The following OOEP variants were observed in gnomAD, a reference collection of about 807,000 sequenced individuals.
OOEP encodes the protein oocyte expressed protein.
In OOEP, 16 loss-of-function variants were observed where a neutral mutation model predicts 13.7. The ratio of observed to expected loss-of-function variants is 1.16; its 90% CI spans 0.79 to 1.77. OOEP has a LOEUF of 1.77. OOEP is among the 40% of genes most tolerant of loss of function. The pLI is 0.00. For synonymous variants in OOEP, 89 were observed against 77.1 expected (o/e 1.15, Z -0.81); for missense variants, 195 against 193.1 (o/e 1.01, Z -0.06).
intron 2 of OOEP, among the ~76,000 whole-genome samples, chr6:73,386,680 C>T (rs539326992): frequency 6.6e-6 from 1 of 151,848 alleles, no homozygotes. Context: ...TGAAAAAGAA[C>T]TGCAGCCGGG....
In OOEP at chr6:73,368,695, G is replaced by C; in HGVS notation, c.*89C>G. On this transcript the variant is annotated 3_prime_UTR_variant, in exon 3 of 3. Coordinates refer to ENST00000370359, the MANE Select transcript of OOEP (RefSeq NM_001080507.3). ...ATCAAGACACAGGAAAAAGGAATAC[G>C]GGGATTTAAGAATGCTATACTTGCT... 1.2e-6 allele frequency: 1 copy of C among 828,834 alleles called. No individual in the cohort carries two copies. The highest frequency in any genetic ancestry group is 2.1e-6 in the Non-Finnish European group (1 of 486,536). 51.3% of individuals were successfully genotyped at this position (828,834 alleles called of 1,614,324 possible). A position where few individuals can be genotyped will look rare whatever the true frequency, so the allele number is the denominator to read the frequency against.
At chr6:73,390,183 GA>G (rs1171525952) in intron 2 of OOEP, among the ~76,000 whole-genome samples, 4 of 151,694 alleles carry the variant, frequency 2.6e-5, no homozygotes, top group Admixed American at 1.3e-4. Flanking sequence ...AAAGAAATAA[GA>G]AAAAAAAGTT....
At chr6:73,394,850 G>A in exon 1 of OOEP, 1 of 1,590,794 alleles carries the variant, frequency 6.3e-7, no homozygotes, top group Non-Finnish European at 8.6e-7. Flanking sequence ...CGACGTCACG[G>A]TCAGGTGGTG....
At chr6:73,375,532 A>G (rs1368394098) in intron 2 of OOEP, among the ~76,000 whole-genome samples, 4 of 150,152 alleles carry the variant, frequency 2.7e-5, no homozygotes, top group Admixed American at 6.6e-5. Flanking sequence ...ATGAGCTATG[A>G]TGGCACCATT....
At chr6:73,393,187 C>G (rs1034922652) in intron 2 of OOEP, among the ~76,000 whole-genome samples, 1 of 151,710 alleles carries the variant, frequency 6.6e-6, no homozygotes, top group African/African-American at 2.4e-5. Context: ...TTCGGCACTT[C>G]GGCTCACTGT....
rs780509399 is a variant in OOEP at position 73,382,931 on chromosome 6, C to T, written c.25+11415G>A. Among the ~76,000 whole-genome samples the T allele has an allele frequency of 5.3e-5, 8 of 149,954 alleles. No individual in the cohort carries two copies. The South Asian group carries it at 6.4e-4, about 12-fold the overall frequency. On this transcript the variant is annotated intron_variant, in intron 2 of 3. Transcript: ENST00000370363. ...GTGCAGTGGCACAATCTCAGCTCAC[C>T]GCAGCCTCCACCTCCCAGGCTCAGC... is the stretch of plus-strand genomic sequence containing the variant.
At chr6:73,394,772 C>G (rs1243158307) in exon 1 of OOEP, 4 of 1,285,658 alleles carry the variant, frequency 3.1e-6, no homozygotes. Flanking sequence ...AGAGCGTGGG[C>G]GGGGGGGCTA....
At chr6:73,373,794 G>A (rs1188614267), upstream of OOEP, among the ~76,000 whole-genome samples, 1 of 151,974 alleles carries the variant, frequency 6.6e-6, no homozygotes, top group East Asian at 1.9e-4. Flanking sequence ...TCACCATGTT[G>A]TCCAGGCTGG....
intron 2 of OOEP, among the ~76,000 whole-genome samples, chr6:73,379,685 A>G (rs1296730023): frequency 6.8e-6 from 1 of 147,258 alleles, no homozygotes; most frequent in Non-Finnish European, 1.5e-5. Context: ...ACATGTTTGT[A>G]AATCTGTTTA....
chr6:73,384,165 TA>T lies in OOEP; in HGVS notation c.25+10180del, dbSNP rs527650783. Among the ~76,000 whole-genome samples the T allele has an allele frequency of 9.1e-4, 138 of 152,140 alleles. 3 individuals carry two copies. In the Middle Eastern group the frequency reaches 0.037, roughly 41 times the overall value. ...ACCAGATATAAAAAGGATTATAAGG[TA>T]ATACTACAGAACAACTATATGACAT... On this transcript the variant is annotated intron_variant, in intron 2 of 3. Coordinates refer to the OOEP transcript ENST00000370363.
chr6:73,370,857 C>T (rs1769038070), upstream of OOEP, among the ~76,000 whole-genome samples: 1 of 152,200 alleles, frequency 6.6e-6, no homozygotes, highest in South Asian at 2.1e-4. Flanking sequence ...TCTCGGTTCA[C>T]TGAAGCCTCG....
intron 2 of OOEP, among the ~76,000 whole-genome samples, chr6:73,383,867 A>G (rs1359968932): frequency 6.6e-6 from 1 of 152,112 alleles, no homozygotes; most frequent in Non-Finnish European, 1.5e-5. Flanking sequence ...AGGCTGAGGC[A>G]GGCAGATCAC....
chr6:73,392,797 A>G (rs1769366320), intron 2 of OOEP, among the ~76,000 whole-genome samples: 1 of 150,682 alleles, frequency 6.6e-6, no homozygotes, highest in African/African-American at 2.4e-5. Flanking sequence ...ACGCCCAGCT[A>G]ATTTTTGTAT....
intron 2 of OOEP, among the ~76,000 whole-genome samples, chr6:73,384,926 G>A (rs945677467): frequency 1.3e-5 from 2 of 151,572 alleles, no homozygotes; most frequent in African/African-American, 4.8e-5. Context: ...TAGTAGAGAC[G>A]GGGTTTTATC....
exon 1 of OOEP, chr6:73,394,834 C>G (rs558198): frequency 0.6 from 933,052 of 1,567,462 alleles, 279,345 homozygotes; most frequent in East Asian, 0.76. Context: ...TGGCACGCTA[C>G]TCTTACGACG....
At position 73,381,205 on chromosome 6, in the gene OOEP, TAAAAAAAAAAA is replaced by T. The variant is rs66507015; in HGVS notation, c.26-11831_26-11821del. 2.7e-3 allele frequency among the ~76,000 whole-genome samples: 276 copies of T among 100,978 alleles called. 1 individual carries two copies. The highest frequency in any genetic ancestry group is 3.5e-3 in the Non-Finnish European group (187 of 53,196). 66.2% of individuals were successfully genotyped at this position (100,978 alleles called of 152,430 possible). On this transcript the variant is annotated intron_variant, in intron 2 of 3. Transcript: ENST00000370363. ...AAGATGAAACAAAACAAAAAAGTGT[TAAAAAAAAAAA>T]AAAAAAAAAAAAGAAGAAGAAAAAG...
chr6:73,374,864 C>T (rs931179977), upstream of OOEP, among the ~76,000 whole-genome samples: 4 of 152,192 alleles, frequency 2.6e-5, no homozygotes, highest in Admixed American at 6.6e-5. Context: ...TCGCTCTTGT[C>T]GCCCAGGCTG....
chr6:73,394,318 A>T (rs974176040), intron 2 of OOEP: 1 of 714,912 alleles, frequency 1.4e-6, no homozygotes, highest in Middle Eastern at 2.8e-4. Context: ...TTATGTGTGG[A>T]TTGGGTCACC....
At chr6:73,383,387 G>A (rs1015899188) in intron 2 of OOEP, among the ~76,000 whole-genome samples, 7 of 152,188 alleles carry the variant, frequency 4.6e-5, no homozygotes, top group Non-Finnish European at 1.0e-4. Flanking sequence ...TGTAATCCCA[G>A]CACTTTGGTA....
Sources: allele counts gnomAD v4.1 joint callset (sites outside exome capture counted in the v4.1 genomes callset), GRCh38; gene constraint gnomAD v4.1.1; transcripts MANE v1.5; gene names NCBI Gene and HGNC (gene_info 2026-07-23, HGNC 2026-07-21).